Variants in PDE4D observed in about 807,000 individuals in gnomAD.
PDE4D encodes 3',5'-cyclic-AMP phosphodiesterase 4D.
PDE4D carries 24 observed loss-of-function variants against 87.4 expected under a neutral mutation model. The observed-to-expected ratio is 0.27, with a 90% confidence interval of 0.20 to 0.39. The LOEUF (loss-of-function observed/expected upper bound fraction) is 0.39. PDE4D is among the 10% of genes least tolerant of loss of function. The probability of loss-of-function intolerance (pLI) is 1.00; values close to 1 mark genes in which losing one functional copy is unlikely to be tolerated. For synonymous variants in PDE4D, 384 were observed against 383.2 expected (o/e 1.00, Z -0.02); for missense variants, 714 against 1,041.0 (o/e 0.69, Z 4.32).
At chr5:60,256,255 A>T (rs1439034432) in intron 1 of PDE4D, among the ~76,000 whole-genome samples, 5 of 151,924 alleles carry the variant, frequency 3.3e-5, no homozygotes, top group Admixed American at 6.6e-5. Context: ...CAAAGATATT[A>T]CTTCAAACAT....
chr5:60,223,847 C>T (rs1744776332), intron 1 of PDE4D, among the ~76,000 whole-genome samples: 1 of 152,096 alleles, frequency 6.6e-6, no homozygotes, highest in African/African-American at 2.4e-5. Flanking sequence ...TTTTTTCCTA[C>T]TGGCAAATAA....
intron 1 of PDE4D, among the ~76,000 whole-genome samples, chr5:60,424,828 A>T (rs1372761611): frequency 2.0e-5 from 3 of 152,244 alleles, no homozygotes; most frequent in African/African-American, 7.2e-5. Context: ...AAGCAACTTC[A>T]GCGAAGTCTC....
intron 1 of PDE4D, among the ~76,000 whole-genome samples, chr5:59,734,255 C>T (rs1349866856): frequency 1.3e-5 from 2 of 151,750 alleles, no homozygotes; most frequent in African/African-American, 4.8e-5. Flanking sequence ...AAGAAAAGAA[C>T]CAATAGGATA....
intron 1 of PDE4D, among the ~76,000 whole-genome samples, chr5:60,515,669 C>T (rs1015132118): frequency 6.9e-6 from 1 of 144,330 alleles, no homozygotes; most frequent in African/African-American, 2.7e-5. Context: ...GAGATGGCCA[C>T]AACCCATTAT....
At chr5:59,686,780 T>C (rs927818490) in intron 1 of PDE4D, among the ~76,000 whole-genome samples, 1 of 152,186 alleles carries the variant, frequency 6.6e-6, no homozygotes, top group Non-Finnish European at 1.5e-5. Flanking sequence ...TGCTGATTAT[T>C]TGAAGGTGAG....
intron 1 of PDE4D, among the ~76,000 whole-genome samples, chr5:60,394,056 A>C (rs1218822495): frequency 2.0e-5 from 3 of 152,218 alleles, no homozygotes; most frequent in Admixed American, 1.3e-4. Context: ...AATTAGCAAA[A>C]GATGAAATAT....
chr5:60,040,971 A>G (rs938006287), intron 2 of PDE4D, among the ~76,000 whole-genome samples: 1 of 152,196 alleles, frequency 6.6e-6, no homozygotes, highest in African/African-American at 2.4e-5. Flanking sequence ...AGCTGATTAA[A>G]ATAAAAGTAT....
intron 1 of PDE4D, among the ~76,000 whole-genome samples, chr5:60,273,859 A>G (rs951093462): frequency 1.3e-5 from 2 of 152,206 alleles, no homozygotes; most frequent in African/African-American, 4.8e-5. Flanking sequence ...ATCAAAAAAA[A>G]AATGTCCACT....
Position 59,345,465 on chromosome 5 carries a change from C to T in PDE4D, c.456-129497G>A, listed in dbSNP as rs539340622. On this transcript the variant is annotated intron_variant, in intron 1 of 14. Transcript: ENST00000340635. ...TCACATATTTAAGCTGCATATGGAT[C>T]AAACAGGGAAAACTCTATTTCTGCA... 2.0e-5 allele frequency among the ~76,000 whole-genome samples: 3 copies of T among 152,202 alleles called. No individual in the cohort carries two copies. In the East Asian group the frequency reaches 5.8e-4, roughly 29 times the overall value.
rs138634294 is a variant in PDE4D at position 60,056,408 on chromosome 5, G to A, written c.43-67691C>T. ...GGAAGACGGGAAGCAGCAGTAGCAGGACAATCTGTCAAAAAAAAAGCATAG... is the reference window on the plus strand; with the variant it reads ...GGAAGACGGGAAGCAGCAGTAGCAGAACAATCTGTCAAAAAAAAAGCATAG... On this transcript the variant is annotated intron_variant, in intron 2 of 16. Transcript: ENST00000502484. 5.3e-3 allele frequency among the ~76,000 whole-genome samples: 801 copies of A among 152,004 alleles called. 6 individuals carry two copies. The highest frequency in any genetic ancestry group is 0.018 in the African/African-American group (741 of 41,490).
In PDE4D at chr5:58,969,569, GA is replaced by G. The variant is rs1291747295; in HGVS notation, c.*5094del. On this transcript the variant is annotated 3_prime_UTR_variant, in exon 15 of 15. Transcript: ENST00000340635. ...CAAGGAAGCCTTCTGTGGCCCTCCG[GA>G]ACAGATCAAGTTCAGGTTCCTGCTT... 1 of 152,102 alleles carries G rather than the reference GA, an allele frequency of 6.6e-6. No individual in the cohort carries two copies. Among genetic ancestry groups the G allele is most frequent in the Non-Finnish European group, 1.5e-5 (1 of 68,046 alleles). The allele number at this position is 152,102 out of a possible 1,614,324, so 9.4% of individuals were successfully genotyped here. A position where few individuals can be genotyped will look rare whatever the true frequency, so the allele number is the denominator to read the frequency against.
At chr5:59,473,550 A>C (rs1802812139) in intron 1 of PDE4D, among the ~76,000 whole-genome samples, 1 of 152,122 alleles carries the variant, frequency 6.6e-6, no homozygotes, top group African/African-American at 2.4e-5. Flanking sequence ...TTCAAGGAGG[A>C]GAATTTCTTG....
At chr5:60,222,183 C>T (rs368380785) in intron 1 of PDE4D, among the ~76,000 whole-genome samples, 13 of 152,208 alleles carry the variant, frequency 8.5e-5, no homozygotes, top group Middle Eastern at 3.4e-3. Flanking sequence ...CTCCAGGGCA[C>T]GTCAGCTTCC....
chr5:59,320,291 C>T (rs1036556218), intron 1 of PDE4D, among the ~76,000 whole-genome samples: 3 of 152,038 alleles, frequency 2.0e-5, no homozygotes, highest in Non-Finnish European at 2.9e-5. Context: ...CACTTAGAAT[C>T]GTGCCTAACT....
At position 59,058,446 on chromosome 5, in the gene PDE4D, C is replaced by T. The variant is rs962034078; in HGVS notation, c.809-19475G>A. On this transcript the variant is annotated intron_variant, in intron 5 of 14. Transcript: ENST00000340635. ...TTTGTTTACATATCTATTGCCTTGT[C>T]TTCCTTATAGGTACAGAGTCCATAC... 2.0e-5 allele frequency among the ~76,000 whole-genome samples: 3 copies of T among 152,172 alleles called. No homozygotes were observed. In the South Asian group the frequency reaches 6.2e-4, roughly 32 times the overall value.
chr5:59,200,062 T>C (rs28620612), intron 2 of PDE4D, among the ~76,000 whole-genome samples: 214 of 82,090 alleles, frequency 2.6e-3, no homozygotes, highest in Non-Finnish European at 3.9e-3. Context: ...CACATGCATG[T>C]ACACACACGT....
intron 5 of PDE4D, among the ~76,000 whole-genome samples, chr5:59,170,052 A>G (rs1377486260): frequency 6.6e-6 from 1 of 152,156 alleles, no homozygotes; most frequent in Non-Finnish European, 1.5e-5. Flanking sequence ...TTACTCTGAG[A>G]CAGAGTTTTG....
Position 59,217,449 on chromosome 5 carries a change from G to A in PDE4D, c.456-1481C>T, listed in dbSNP as rs1581433057. 5 of 348,232 alleles carry A rather than the reference G, an allele frequency of 1.4e-5. No homozygotes were observed. The Admixed American group carries it at 1.5e-4, about 11-fold the overall frequency. The allele number at this position is 348,232 out of a possible 1,614,324, so 21.6% of individuals were successfully genotyped here. On this transcript the variant is annotated intron_variant, in intron 1 of 14. Transcript: ENST00000340635. ...TGTTTCATGGATCACTTTTGAATCT[G>A]TGATCAAATAACAGTGGCTCCGAAA...
intron 1 of PDE4D, among the ~76,000 whole-genome samples, chr5:59,221,412 G>A (rs375660125): frequency 6.6e-6 from 1 of 152,174 alleles, no homozygotes; most frequent in East Asian, 1.9e-4. Context: ...CTGGTGAACT[G>A]CTTGAGCCCA....
Sources: gnomAD v4.1 joint callset for allele counts (sites outside exome capture counted in the v4.1 genomes callset) on GRCh38, gnomAD v4.1.1 for gene constraint, MANE v1.5 for transcripts, NCBI Gene and HGNC (gene_info 2026-07-23, HGNC 2026-07-21) for gene names.